The following STEAP4 variants were observed in gnomAD, a reference collection of about 807,000 sequenced individuals.
STEAP4 encodes the protein metalloreductase STEAP4.
Under a neutral mutation model 43.6 loss-of-function variants are expected in STEAP4, and 36 were observed. The observed-to-expected ratio is 0.83, with a 90% CI of 0.63 to 1.09. The LOEUF is 1.09. Ranked by LOEUF, STEAP4 falls within the 50% of genes least tolerant of loss-of-function variation. The pLI is 0.00. For synonymous variants in STEAP4, 191 were observed against 196.7 expected, an observed-to-expected ratio of 0.97 and a Z score of 0.24; for missense variants, 495 against 546.5, an observed-to-expected ratio of 0.91 and a Z score of 0.94.
rs1852492355 is a variant in STEAP4, at chr7:88,275,086, T to G, written c.*4312A>C. On this transcript the variant is annotated 3_prime_UTR_variant, in exon 5 of 5. Coordinates refer to ENST00000380079, the MANE Select transcript of STEAP4 (RefSeq NM_024636.4). ...GAATGCAGCCCAGTAGGTCTCAGTC[T>G]TATTTATTTATTTATTTATTTTGAG... 1 of 151,358 alleles carries G rather than the reference T, an allele frequency of 6.6e-6. No homozygotes were observed. The highest frequency in any genetic ancestry group is 2.5e-5 in the African/African-American group (1 of 40,654). The allele number at this position is 151,358 out of a possible 1,614,324, so 9.4% of individuals were successfully genotyped here.
At chr7:88,300,980 G>C (rs1031258070) in intron 1 of STEAP4, among the ~76,000 whole-genome samples, 1 of 152,112 alleles carries the variant, frequency 6.6e-6, no homozygotes, top group Non-Finnish European at 1.5e-5. Flanking sequence ...CTATAAACCT[G>C]ATAGCTTTAG....
chr7:88,283,879 C>A lies in STEAP4; in HGVS notation c.391G>T (p.Val131Leu), dbSNP rs1385089105. 6.2e-7 allele frequency: 1 copy of A among 1,614,140 alleles called. No individual in the cohort carries two copies. The highest frequency in any genetic ancestry group is 8.5e-7 in the Non-Finnish European group (1 of 1,180,030). Residue 131 changes from valine to leucine, a missense_variant, in exon 2 of 5, where the codon GTA becomes TTA. Val to Leu is a conservative substitution (Grantham distance 32). Coordinates refer to ENST00000380079, the MANE Select transcript of STEAP4 (RefSeq NM_024636.4). ...LAHLVPGAHV[V>L]KAFNTISAWA... ...GCTGAGATGGTGTTAAATGCTTTTA[C>A]CACGTGGGCTCCTGGCACCAAATGA...
In STEAP4 at chr7:88,278,508, C is replaced by T. The variant is rs1190152010; in HGVS notation, c.*890G>A. The T allele has an allele frequency of 6.6e-6, 1 of 152,100 alleles. No individual in the cohort carries two copies. Among genetic ancestry groups the T allele is most frequent in the African/African-American group, 2.4e-5 (1 of 41,416 alleles). The allele number at this position is 152,100 out of a possible 1,614,324, so 9.4% of individuals were successfully genotyped here. ...TATTTGGAATATAAAATTTACAAAG[C>T]ATATTATAATACCTAAATAATACTT... On this transcript the variant is annotated 3_prime_UTR_variant, in exon 5 of 5. Transcript: ENST00000380079.
intron 1 of STEAP4, among the ~76,000 whole-genome samples, chr7:88,305,263 C>A (rs2116043454): frequency 6.6e-6 from 1 of 152,276 alleles, no homozygotes; most frequent in South Asian, 2.1e-4. Context: ...TACTTTACAG[C>A]CTTGGAGCCT....
chr7:88,280,674 G>T (rs1852602740), intron 4 of STEAP4, among the ~76,000 whole-genome samples: 1 of 151,964 alleles, frequency 6.6e-6, no homozygotes, highest in Non-Finnish European at 1.5e-5. Flanking sequence ...GTTTCTTTTT[G>T]CCTTGTACCT....
At chr7:88,299,994 C>T (rs1246938931) in intron 1 of STEAP4, among the ~76,000 whole-genome samples, 1 of 152,156 alleles carries the variant, frequency 6.6e-6, no homozygotes, top group African/African-American at 2.4e-5. Flanking sequence ...CTCCCCATGG[C>T]CCCAGTGCCT....
chr7:88,275,596 A>G lies in STEAP4; in HGVS notation c.*3802T>C, dbSNP rs112144451. 0.15 allele frequency: 21,549 copies of G among 144,918 alleles called. 1,823 individuals are homozygous for G. The highest frequency in any genetic ancestry group is 0.2 in the Non-Finnish European group (13,560 of 66,426). 9.0% of individuals were successfully genotyped at this position (144,918 alleles called of 1,614,324 possible). ...CCTGTAAGGCTATCTGTGGGCTCTC[A>G]TGGGGTGTGTGTGTGTGTGTGTGTG... On this transcript the variant is annotated 3_prime_UTR_variant, in exon 5 of 5. Transcript: ENST00000380079.
At chr7:88,303,716 G>A (rs1212062102) in intron 1 of STEAP4, among the ~76,000 whole-genome samples, 1 of 152,174 alleles carries the variant, frequency 6.6e-6, no homozygotes, top group Non-Finnish European at 1.5e-5. Flanking sequence ...GTTTCTGAAA[G>A]AGGATCTTTA....
intron 1 of STEAP4, among the ~76,000 whole-genome samples, chr7:88,296,720 C>A (rs1278253848): frequency 3.9e-5 from 6 of 152,156 alleles, no homozygotes; most frequent in African/African-American, 1.4e-4. Flanking sequence ...AAAATAAAAA[C>A]CTTCCATGAA....
chr7:88,299,393 G>A (rs1361090554), intron 1 of STEAP4, among the ~76,000 whole-genome samples: 1 of 152,208 alleles, frequency 6.6e-6, no homozygotes, highest in East Asian at 1.9e-4. Context: ...ATTCAGTCGT[G>A]TCTCTGGGTT....
rs1367104418 is a variant in STEAP4, at chr7:88,273,585, G to T, written c.*5813C>A. On this transcript the variant is annotated 3_prime_UTR_variant, in exon 5 of 5. Transcript: ENST00000380079. Reference sequence around the variant, plus strand: ...AATGAGAAGTGTTATGAAATTTCTTGCATGGGTTACTGGATCTCAAAAACA... The same window carrying T: ...AATGAGAAGTGTTATGAAATTTCTTTCATGGGTTACTGGATCTCAAAAACA... The T allele has an allele frequency of 2.0e-5, 3 of 152,050 alleles. No homozygotes were observed. The highest frequency in any genetic ancestry group is 2.9e-5 in the Non-Finnish European group (2 of 68,018). 9.4% of individuals were successfully genotyped at this position (152,050 alleles called of 1,614,324 possible).
rs993586030 is a variant in STEAP4 at position 88,273,154 on chromosome 7, T to C, written c.*6244A>G. On this transcript the variant is annotated 3_prime_UTR_variant, in exon 5 of 5. Coordinates refer to ENST00000380079, the MANE Select transcript of STEAP4 (RefSeq NM_024636.4). ...CAATGTCCTCCTGGCTATTTGAAATTATATGTTATTTTTAACTATAGTCAT... is the reference window on the plus strand; with the variant it reads ...CAATGTCCTCCTGGCTATTTGAAATCATATGTTATTTTTAACTATAGTCAT... 6.6e-6 allele frequency: 1 copy of C among 152,176 alleles called. No homozygotes were observed. Among genetic ancestry groups the C allele is most frequent in the Non-Finnish European group, 1.5e-5 (1 of 68,028 alleles). The allele number at this position is 152,176 out of a possible 1,614,324, so 9.4% of individuals were successfully genotyped here. A position where few individuals can be genotyped will look rare whatever the true frequency, so the allele number is the denominator to read the frequency against.
At chr7:88,304,306 G>A (rs1166291121) in intron 1 of STEAP4, 3 of 151,802 alleles carry the variant, frequency 2.0e-5, no homozygotes, top group African/African-American at 7.3e-5. Context: ...TGCACATTGT[G>A]CACATGTACC....
chr7:88,303,557 C>T (rs1017685438), intron 1 of STEAP4, among the ~76,000 whole-genome samples: 1 of 151,076 alleles, frequency 6.6e-6, no homozygotes. Flanking sequence ...TGCCAAAGTA[C>T]AGTACAGTAA....
chr7:88,282,231 C>T (rs1490003502), intron 3 of STEAP4: 2 of 163,602 alleles, frequency 1.2e-5, no homozygotes, highest in Non-Finnish European at 2.6e-5. Flanking sequence ...TCACTGCAAC[C>T]TCTGCCTCCT....
intron 1 of STEAP4, among the ~76,000 whole-genome samples, chr7:88,295,298 G>T (rs1007006820): frequency 6.6e-6 from 1 of 152,128 alleles, no homozygotes; most frequent in African/African-American, 2.4e-5. Flanking sequence ...CAACTTCTTA[G>T]TTGCTTATGA....
intron 1 of STEAP4, among the ~76,000 whole-genome samples, chr7:88,296,443 TTTTTA>T (rs1852924825): frequency 6.6e-6 from 1 of 152,172 alleles, no homozygotes; most frequent in Non-Finnish European, 1.5e-5. Context: ...GTGACAGGAT[TTTTTA>T]TTTTAATTTA....
intron 1 of STEAP4, among the ~76,000 whole-genome samples, chr7:88,289,059 C>CGTGT (rs749630467): frequency 6.3e-4 from 90 of 143,616 alleles, no homozygotes; most frequent in Admixed American, 1.5e-3. Context: ...TGCATGCATG[C>CGTGT]GCGTGTGTGT....
In STEAP4 at chr7:88,278,764, A is replaced by G; in HGVS notation, c.*634T>C. On this transcript the variant is annotated 3_prime_UTR_variant, in exon 5 of 5. Coordinates refer to ENST00000380079, the MANE Select transcript of STEAP4 (RefSeq NM_024636.4). Reference sequence around the variant, plus strand: ...AGATACGTATGTATCCAAGACATGGATACTTTTAATCAATTGTAAATTTTT... The same window carrying G: ...AGATACGTATGTATCCAAGACATGGGTACTTTTAATCAATTGTAAATTTTT... 1 of 153,746 alleles carries G rather than the reference A, an allele frequency of 6.5e-6. No individual in the cohort carries two copies. The highest frequency in any genetic ancestry group is 1.5e-5 in the Non-Finnish European group (1 of 68,954). The allele number at this position is 153,746 out of a possible 1,614,324, so 9.5% of individuals were successfully genotyped here. A position where few individuals can be genotyped will look rare whatever the true frequency, so the allele number is the denominator to read the frequency against.
Sources: allele counts gnomAD v4.1 joint callset (sites outside exome capture counted in the v4.1 genomes callset), GRCh38; gene constraint gnomAD v4.1.1; transcripts MANE v1.5; gene names NCBI Gene and HGNC (gene_info 2026-07-23, HGNC 2026-07-21).